TCEA3: variants seen among roughly 807,000 people sequenced by gnomAD.
TCEA3 encodes the protein transcription elongation factor A protein 3.
A neutral mutation model predicts 44.0 loss-of-function variants in TCEA3; 36 were observed. The observed-to-expected ratio is 0.82, with a 90% CI of 0.63 to 1.08. The LOEUF is 1.08. Among genes scored for constraint, TCEA3 ranks in the 50% least tolerant of loss-of-function variants. TCEA3 has a pLI of 0.00. For missense variants in TCEA3, 392 were observed against 441.2 expected, an observed-to-expected ratio of 0.89 and a Z score of 1.00; for synonymous variants, 162 against 159.7, an observed-to-expected ratio of 1.01 and a Z score of -0.11.
intron 5 of TCEA3, among the ~76,000 whole-genome samples, chr1:23,406,739 C>A (rs546388540): frequency 6.6e-6 from 1 of 152,128 alleles, no homozygotes; most frequent in Non-Finnish European, 1.5e-5. Flanking sequence ...CTCCGCCTCC[C>A]GGGTTCAAGT....
chr1:23,384,480 A>G (rs1285756420), intron 9 of TCEA3, 63 bp from the exon 10 acceptor site: 15 of 1,565,398 alleles, frequency 9.6e-6, no homozygotes, highest in Non-Finnish European at 1.7e-6. Context: ...CATGGCTCCC[A>G]CTGTCTTTAG....
intron 1 of TCEA3, 147 bp downstream of exon 1, chr1:23,424,418 G>T: frequency 3.0e-6 from 2 of 664,252 alleles, no homozygotes; most frequent in Non-Finnish European, 5.1e-6. Context: ...AAGGGGCCTT[G>T]GGCCCTGCAC....
intron 9 of TCEA3, among the ~76,000 whole-genome samples, chr1:23,384,823 C>T (rs189207077): frequency 1.4e-3 from 210 of 152,126 alleles, no homozygotes; most frequent in African/African-American, 4.8e-3. Context: ...CCCGCCACCA[C>T]GCCCGGCTAA....
At chr1:23,387,219 C>T (rs1638871956) in intron 9 of TCEA3, 54 bp downstream of exon 9, 29 of 1,594,908 alleles carry the variant, frequency 1.8e-5, no homozygotes, top group Non-Finnish European at 2.2e-5. Flanking sequence ...GATTTTCCAC[C>T]TCTATGCCCC....
chr1:23,395,706 T>C (rs1247029031), intron 7 of TCEA3, among the ~76,000 whole-genome samples: 3 of 151,558 alleles, frequency 2.0e-5, no homozygotes, highest in Admixed American at 6.6e-5. Flanking sequence ...CGGGCACCTG[T>C]AATCCCAGCT....
intron 7 of TCEA3, among the ~76,000 whole-genome samples, chr1:23,395,340 C>G (rs1639183811): frequency 6.6e-6 from 1 of 152,230 alleles, no homozygotes; most frequent in Admixed American, 6.5e-5. Context: ...AGGCAGAGAG[C>G]AGACCGGGGG....
intron 1 of TCEA3, chr1:23,423,873 G>A (rs1460823035): frequency 4.4e-6 from 2 of 455,922 alleles, no homozygotes; most frequent in Non-Finnish European, 8.8e-6. Context: ...CGCCGAGCCC[G>A]CTCCTCCCTC....
At chr1:23,403,049 C>T (rs3973655) in intron 5 of TCEA3, among the ~76,000 whole-genome samples, 6,092 of 152,306 alleles carry the variant, frequency 0.04, 333 homozygotes, top group South Asian at 0.24. Flanking sequence ...CAGCCTCTGT[C>T]AACTCCCAGG....
intron 1 of TCEA3, 25 bp from the exon 2 acceptor site, chr1:23,419,164 C>G: frequency 6.4e-7 from 1 of 1,567,640 alleles, no homozygotes; most frequent in Non-Finnish European, 8.7e-7. Context: ...AAGGTGAGGA[C>G]TGGGGCCTGG....
intron 10 of TCEA3, among the ~76,000 whole-genome samples, chr1:23,381,980 C>T (rs1460003286): frequency 6.6e-6 from 1 of 152,012 alleles, no homozygotes; most frequent in Non-Finnish European, 1.5e-5. Flanking sequence ...CTGTGCTAGG[C>T]AGTATTAACA....
chr1:23,424,085 C>T (rs1436650549), intron 1 of TCEA3, among the ~76,000 whole-genome samples: 1 of 152,106 alleles, frequency 6.6e-6, no homozygotes, highest in Non-Finnish European at 1.5e-5. Context: ...CAGACCCACT[C>T]CGGGGTGCAG....
At chr1:23,424,430 A>G in intron 1 of TCEA3, 135 bp downstream of exon 1, 1 of 737,512 alleles carries the variant, frequency 1.4e-6, no homozygotes, top group Non-Finnish European at 2.2e-6. Context: ...GCCCTGCACC[A>G]GCCGCTCCTC....
intron 3 of TCEA3, 53 bp from the exon 4 acceptor site, chr1:23,417,443 C>A: frequency 6.3e-7 from 1 of 1,580,268 alleles, no homozygotes. Flanking sequence ...CTCAGCAGAA[C>A]CCAGCATGAC....
intron 4 of TCEA3, among the ~76,000 whole-genome samples, chr1:23,413,615 G>A (rs988435377): frequency 2.0e-5 from 3 of 151,738 alleles, no homozygotes; most frequent in Admixed American, 2.0e-4. Context: ...TGTATTTTTA[G>A]TAGAGACAGG....
chr1:23,424,532 G>A (rs1220060368), intron 1 of TCEA3, 33 bp downstream of exon 1: 2 of 1,589,688 alleles, frequency 1.3e-6, no homozygotes, highest in African/African-American at 2.7e-5. Context: ...CCTCCCGGGG[G>A]CGGGGGCCGT....
At chr1:23,384,471 A>G (rs1638765439) in intron 9 of TCEA3, 54 bp from the exon 10 acceptor site, 1 of 1,581,840 alleles carries the variant, frequency 6.3e-7, no homozygotes, top group Non-Finnish European at 8.6e-7. Context: ...AGGACCTGCC[A>G]TGGCTCCCAC....
intron 9 of TCEA3, among the ~76,000 whole-genome samples, chr1:23,386,746 A>T (rs1048092564): frequency 4.6e-5 from 7 of 150,824 alleles, no homozygotes; most frequent in African/African-American, 1.5e-4. Flanking sequence ...TTTCAGATGG[A>T]GTCTCACTCT....
intron 8 of TCEA3, among the ~76,000 whole-genome samples, chr1:23,389,123 A>G (rs114341519): frequency 1.1e-3 from 168 of 152,334 alleles, no homozygotes; most frequent in African/African-American, 3.8e-3. Context: ...CCATTTACCC[A>G]TATGAGTAAA....
intron 5 of TCEA3, among the ~76,000 whole-genome samples, chr1:23,407,656 C>A (rs1488809067): frequency 2.0e-5 from 3 of 152,068 alleles, no homozygotes; most frequent in African/African-American, 7.2e-5. Flanking sequence ...ATCCTCTTCC[C>A]TCTCCTCTTT....
Sources: gnomAD v4.1 joint callset for allele counts (sites outside exome capture counted in the v4.1 genomes callset) on GRCh38, gnomAD v4.1.1 for gene constraint, MANE v1.5 for transcripts, NCBI Gene and HGNC (gene_info 2026-07-23, HGNC 2026-07-21) for gene names.